The following GPR39 variants were observed in gnomAD, a reference collection of about 807,000 sequenced individuals.
GPR39 encodes G protein-coupled receptor 39.
GPR39 carries 23 observed loss-of-function variants against 18.4 expected under a neutral mutation model. The observed-to-expected ratio is 1.25, with a 90% CI of 0.90 to 1.77. The LOEUF is 1.77. GPR39 is among the 40% of genes most tolerant of loss of function. GPR39 has a pLI of 0.00. For synonymous variants in GPR39, 280 were observed against 257.9 expected, an observed-to-expected ratio of 1.09 and a Z score of -0.82; for missense variants, 647 against 602.4, an observed-to-expected ratio of 1.07 and a Z score of -0.78.
chr2:132,500,564 A>G (rs1195760557), intron 1 of GPR39, among the ~76,000 whole-genome samples: 1 of 151,828 alleles, frequency 6.6e-6, no homozygotes, highest in Non-Finnish European at 1.5e-5. Context: ...TCCTTTCCTG[A>G]TTTGGTATTA....
rs1335571972 is a variant in GPR39 at position 132,599,364 on chromosome 2, G to A, written c.857-45737G>A. On this transcript the variant is annotated intron_variant, in intron 1 of 1. Coordinates refer to ENST00000329321, the MANE Select transcript of GPR39 (RefSeq NM_001508.3). Reference sequence around the variant, plus strand: ...TTTCGATGTGTTTTCCAGAAGAGGGGTGGGGCTGGCTTTTTGCCCTATCCT... The same window carrying A: ...TTTCGATGTGTTTTCCAGAAGAGGGATGGGGCTGGCTTTTTGCCCTATCCT... 2.0e-5 allele frequency among the ~76,000 whole-genome samples: 3 copies of A among 152,124 alleles called. No homozygotes were observed. The East Asian group carries it at 5.8e-4, about 29-fold the overall frequency.
chr2:132,586,367 AG>A (rs1306050070), intron 1 of GPR39, among the ~76,000 whole-genome samples: 3 of 152,126 alleles, frequency 2.0e-5, no homozygotes, highest in Admixed American at 2.0e-4. Context: ...GTCTGGTGAC[AG>A]GCGCGCTCCA....
intron 1 of GPR39, among the ~76,000 whole-genome samples, chr2:132,440,320 A>G (rs999058890): frequency 7.2e-5 from 11 of 152,216 alleles, no homozygotes; most frequent in African/African-American, 2.2e-4. Flanking sequence ...TGCCCTCACA[A>G]TAACCTGAAT....
rs146388065 is a variant in GPR39, at chr2:132,493,536, C to CATATATATATATATATACACACACACCAT, written c.856+75652_856+75653insATACACACACACCATATATATATATATAT. Among the ~76,000 whole-genome samples, 9 of 126,042 alleles carry CATATATATATATATATACACACACACCAT rather than the reference C, an allele frequency of 7.1e-5. 1 individual carries two copies. Among genetic ancestry groups the CATATATATATATATATACACACACACCAT allele is most frequent in the African/African-American group, 2.8e-4 (9 of 32,222 alleles). 82.7% of individuals were successfully genotyped at this position (126,042 alleles called of 152,430 possible). A position where few individuals can be genotyped will look rare whatever the true frequency, so the allele number is the denominator to read the frequency against. ...TATATATATATATATATACACACAC[C>CATATATATATATATATACACACACACCAT]ATATATATATATATGGTAGCAGCAA... On this transcript the variant is annotated intron_variant, in intron 1 of 1. Coordinates refer to ENST00000329321, the MANE Select transcript of GPR39 (RefSeq NM_001508.3).
At chr2:132,437,233 C>T (rs570460725) in intron 1 of GPR39, among the ~76,000 whole-genome samples, 1 of 152,352 alleles carries the variant, frequency 6.6e-6, no homozygotes, top group South Asian at 2.1e-4. Flanking sequence ...TTCACCCATC[C>T]TTACCTTTGA....
rs1681189943 is a variant in GPR39 at position 132,608,937 on chromosome 2, C to A, written c.857-36164C>A. 2.6e-5 allele frequency among the ~76,000 whole-genome samples: 4 copies of A among 152,132 alleles called. No individual in the cohort carries two copies. In the South Asian group the frequency reaches 6.2e-4, roughly 24 times the overall value. The stretch of plus-strand genomic sequence containing the variant: ...GATCTCTCAGCAGTGTTTCAGGAGA[C>A]CTGCCAACATCACAAGGCCAAATGG... On this transcript the variant is annotated intron_variant, in intron 1 of 1. Transcript: ENST00000329321.
intron 1 of GPR39, among the ~76,000 whole-genome samples, chr2:132,637,023 A>G (rs192248041): frequency 1.5e-4 from 23 of 152,334 alleles, no homozygotes; most frequent in African/African-American, 5.5e-4. Flanking sequence ...AGGACTTACT[A>G]TCAGTGGATT....
intron 1 of GPR39, among the ~76,000 whole-genome samples, chr2:132,543,563 C>G (rs1442056070): frequency 2.0e-5 from 3 of 152,148 alleles, no homozygotes; most frequent in Admixed American, 2.0e-4. Context: ...CACTTTAACC[C>G]TTAGGTCACC....
intron 1 of GPR39, among the ~76,000 whole-genome samples, chr2:132,637,015 G>T (rs1573711761): frequency 1.3e-5 from 2 of 152,272 alleles, no homozygotes; most frequent in Non-Finnish European, 2.9e-5. Flanking sequence ...CACATTTTAG[G>T]ACTTACTATC....
Position 132,557,083 on chromosome 2 carries a change from A to AG in GPR39, c.857-88009dup, listed in dbSNP as rs34244350. 8.7e-3 allele frequency among the ~76,000 whole-genome samples: 1,313 copies of AG among 151,336 alleles called. 4 individuals carry two copies. Among genetic ancestry groups the AG allele is most frequent in the Non-Finnish European group, 0.013 (874 of 67,710 alleles). ...GTAATCCTGGCACTTTGGGAGGCCA[A>AG]GGGGGGGGGCAGATCACTTGAGGTC... On this transcript the variant is annotated intron_variant, in intron 1 of 1. Coordinates refer to ENST00000329321, the MANE Select transcript of GPR39 (RefSeq NM_001508.3).
intron 1 of GPR39, among the ~76,000 whole-genome samples, chr2:132,442,822 A>G (rs1680464589): frequency 6.6e-6 from 1 of 152,146 alleles, no homozygotes; most frequent in Admixed American, 6.5e-5. Context: ...ACACTTGCAC[A>G]TGGTGACTGA....
At chr2:132,593,417 C>A (rs989941594) in intron 1 of GPR39, among the ~76,000 whole-genome samples, 9 of 152,128 alleles carry the variant, frequency 5.9e-5, no homozygotes, top group Non-Finnish European at 1.0e-4. Context: ...TGTAGGGACC[C>A]ACCATGAGTC....
chr2:132,474,769 A>G (rs1175600174), intron 1 of GPR39, among the ~76,000 whole-genome samples: 1 of 152,014 alleles, frequency 6.6e-6, no homozygotes, highest in Non-Finnish European at 1.5e-5. Flanking sequence ...GGAACCCATT[A>G]TTGCCTTTAG....
chr2:132,476,780 A>G (rs1681138644), intron 1 of GPR39, among the ~76,000 whole-genome samples: 1 of 152,246 alleles, frequency 6.6e-6, no homozygotes, highest in Non-Finnish European at 1.5e-5. Flanking sequence ...TATCACAGAC[A>G]AAGACAAATG....
At chr2:132,468,099 T>TGG (rs894299715) in intron 1 of GPR39, among the ~76,000 whole-genome samples, 1 of 152,210 alleles carries the variant, frequency 6.6e-6, no homozygotes, top group Non-Finnish European at 1.5e-5. Context: ...CTTGGCATGA[T>TGG]GGGAAATTCT....
intron 1 of GPR39, among the ~76,000 whole-genome samples, chr2:132,459,801 C>A (rs757902552): frequency 6.6e-6 from 1 of 152,236 alleles, no homozygotes; most frequent in African/African-American, 2.4e-5. Flanking sequence ...TAAGTGCCCT[C>A]TTGAACTTAT....
chr2:132,613,936 A>C (rs571524409), intron 1 of GPR39, among the ~76,000 whole-genome samples: 13 of 152,344 alleles, frequency 8.5e-5, no homozygotes, highest in African/African-American at 3.1e-4. Context: ...GATTATGTGT[A>C]TAAATACATG....
chr2:132,486,439 C>A (rs1401543678), intron 1 of GPR39, among the ~76,000 whole-genome samples: 1 of 152,256 alleles, frequency 6.6e-6, no homozygotes, highest in Non-Finnish European at 1.5e-5. Context: ...TAGATGGCAT[C>A]TTCTTCCAGT....
At chr2:132,603,121 T>C (rs972651590) in intron 1 of GPR39, among the ~76,000 whole-genome samples, 2 of 152,134 alleles carry the variant, frequency 1.3e-5, no homozygotes, top group Non-Finnish European at 2.9e-5. Flanking sequence ...ATAGCCAAGA[T>C]ATAGAATCAA....
Sources: gnomAD v4.1 joint callset for allele counts (sites outside exome capture counted in the v4.1 genomes callset) on GRCh38, gnomAD v4.1.1 for gene constraint, MANE v1.5 for transcripts, NCBI Gene and HGNC (gene_info 2026-07-23, HGNC 2026-07-21) for gene names.